AK1: variants seen among roughly 807,000 people sequenced by gnomAD.
AK1 encodes the protein adenylate kinase 1.
A neutral mutation model predicts 23.9 loss-of-function variants in AK1; 13 were observed. The observed-to-expected ratio is 0.54, with a 90% CI of 0.35 to 0.86. The LOEUF (loss-of-function observed/expected upper bound fraction) is 0.86. Ranked by LOEUF, AK1 falls within the 40% of genes least tolerant of loss-of-function variation. The pLI is 0.01. For synonymous variants in AK1, 97 were observed against 102.8 expected (o/e 0.94, Z 0.34); for missense variants, 214 against 255.1 (o/e 0.84, Z 1.10).
chr9:127,876,516 G>A (rs1008021052), intron 1 of AK1, among the ~76,000 whole-genome samples: 19 of 152,198 alleles, frequency 1.2e-4, no homozygotes, highest in African/African-American at 4.6e-4. Flanking sequence ...CCCCAGGCAG[G>A]AGTGGCAGCC....
chr9:127,876,952 T>C (rs1013908579), intron 1 of AK1, among the ~76,000 whole-genome samples: 3 of 152,226 alleles, frequency 2.0e-5, no homozygotes, highest in Non-Finnish European at 4.4e-5. Flanking sequence ...GTCTCCCAGC[T>C]TCTGACCCAA....
In AK1 at chr9:127,874,596, A is replaced by G; in HGVS notation, c.7+15T>C. On this transcript the variant is annotated intron_variant, in intron 2 of 6. Coordinates refer to ENST00000644144, the MANE Select transcript of AK1 (RefSeq NM_000476.3). The stretch of plus-strand genomic sequence containing the variant: ...TGAGGCCCAGGCAATGGGCAAAAGG[A>G]GAGGAGGCTCATACCTTCCATCCTG... 2 of 1,613,438 alleles carry G rather than the reference A, an allele frequency of 1.2e-6. No individual in the cohort carries two copies. The highest frequency in any genetic ancestry group is 1.7e-6 in the Non-Finnish European group (2 of 1,179,942).
rs869298613 is a variant in AK1 at position 127,867,007 on chromosome 9, C to CTTTTTTTTT, written c.*992_*1000dup. ...GACCATGACTCCCCCAATTCAATTT[C>CTTTTTTTTT]TTTTTTTTTTTTTTTTTTTTTGAGA... On this transcript the variant is annotated 3_prime_UTR_variant, in exon 7 of 7. Transcript: ENST00000644144. 4.3e-5 allele frequency: 5 copies of CTTTTTTTTT among 115,084 alleles called. No homozygotes were observed. Among genetic ancestry groups the CTTTTTTTTT allele is most frequent in the Non-Finnish European group, 7.0e-5 (4 of 57,542 alleles). 7.1% of individuals were successfully genotyped at this position (115,084 alleles called of 1,614,324 possible).
In AK1 at chr9:127,866,963, TC is replaced by T. The variant is rs1283751418; in HGVS notation, c.*1044del. On this transcript the variant is annotated 3_prime_UTR_variant, in exon 7 of 7. Coordinates refer to ENST00000644144, the MANE Select transcript of AK1 (RefSeq NM_000476.3). ...GTGTCCAGGGCCACACAGGGGGAGGTCCTTCAGGTCTCACCCCTGACCATGA... is the reference window on the plus strand; with the variant it reads ...GTGTCCAGGGCCACACAGGGGGAGGTCTTCAGGTCTCACCCCTGACCATGA... The T allele has an allele frequency of 1.3e-5, 2 of 150,450 alleles. No homozygotes were observed. The highest frequency in any genetic ancestry group is 3.0e-5 in the Non-Finnish European group (2 of 67,682). The allele number at this position is 150,450 out of a possible 1,614,324, so 9.3% of individuals were successfully genotyped here.
intron 1 of AK1, among the ~76,000 whole-genome samples, chr9:127,876,951 CTTCTGA>C (rs1427631606): frequency 1.3e-5 from 2 of 152,258 alleles, no homozygotes; most frequent in Non-Finnish European, 2.9e-5. Context: ...GGTCTCCCAG[CTTCTGA>C]CCCAACGTAG....
At chr9:127,874,089 G>T in intron 2 of AK1, 1 of 985,482 alleles carries the variant, frequency 1.0e-6, no homozygotes, top group Non-Finnish European at 1.2e-6. Flanking sequence ...TTTAAGAGCT[G>T]CCCAGGCCAA....
In AK1 at chr9:127,873,812, G is replaced by A. The variant is rs1490520828; in HGVS notation, c.8-751C>T. 1.4e-5 allele frequency: 14 copies of A among 985,436 alleles called. 1 individual carries two copies. The East Asian group carries it at 3.4e-4, about 24-fold the overall frequency. 61.0% of individuals were successfully genotyped at this position (985,436 alleles called of 1,614,324 possible). A position where few individuals can be genotyped will look rare whatever the true frequency, so the allele number is the denominator to read the frequency against. On this transcript the variant is annotated intron_variant, in intron 2 of 6. Transcript: ENST00000644144. Reference sequence around the variant, plus strand: ...GGCTCCCCCGCTTCCCAGGGAAATAGAGGACCAGGCTGTATCCCACCTTGC... The same window carrying A: ...GGCTCCCCCGCTTCCCAGGGAAATAAAGGACCAGGCTGTATCCCACCTTGC...
At position 127,874,603 on chromosome 9, in the gene AK1, G is replaced by A; in HGVS notation, c.7+8C>T. The A allele has an allele frequency of 1.2e-6, 2 of 1,613,480 alleles. No homozygotes were observed. Among genetic ancestry groups the A allele is most frequent in the East Asian group, 4.5e-5 (2 of 44,878 alleles). ...CAGGCAATGGGCAAAAGGAGAGGAG[G>A]CTCATACCTTCCATCCTGCCGAGGT... On this transcript the variant is annotated splice_region_variant and intron_variant, in intron 2 of 6. Transcript: ENST00000644144.
chr9:127,875,914 G>A (rs968372780), intron 1 of AK1, among the ~76,000 whole-genome samples: 1 of 152,206 alleles, frequency 6.6e-6, no homozygotes, highest in Non-Finnish European at 1.5e-5. Flanking sequence ...GGGCCTTGAA[G>A]CCTCCACACC....
chr9:127,872,019 G>A (rs1195478816), intron 4 of AK1, 80 bp from the exon 5 acceptor site: 10 of 1,245,362 alleles, frequency 8.0e-6, no homozygotes, highest in Admixed American at 1.7e-5. Context: ...CGCTGCTCCT[G>A]CCACCTGAAA....
intron 1 of AK1, chr9:127,874,893 G>A: frequency 1.9e-6 from 1 of 522,930 alleles, no homozygotes; most frequent in East Asian, 3.4e-5. Context: ...CAGAAGGGCA[G>A]TAGCCCCCTC....
intron 5 of AK1, among the ~76,000 whole-genome samples, chr9:127,870,824 ATGGGAATG>A (rs1829383407): frequency 6.9e-6 from 1 of 144,036 alleles, no homozygotes; most frequent in Non-Finnish European, 1.5e-5. Context: ...GGAATGGGGC[ATGGGAATG>A]GGGCATGGGG....
chr9:127,878,993 C>T (rs1455209866), upstream of AK1, among the ~76,000 whole-genome samples: 1 of 152,046 alleles, frequency 6.6e-6, no homozygotes, highest in Non-Finnish European at 1.5e-5. Flanking sequence ...GGGAGGATCA[C>T]TTGAGCTCAC....
Position 127,877,362 on chromosome 9 carries a change from T to G in AK1, c.-33+261A>C, listed in dbSNP as rs1180022503. Among the ~76,000 whole-genome samples the G allele has an allele frequency of 6.6e-6, 1 of 151,738 alleles. No homozygotes were observed. Among genetic ancestry groups the G allele is most frequent in the Non-Finnish European group, 1.5e-5 (1 of 67,916 alleles). On this transcript the variant is annotated intron_variant, in intron 1 of 6. Transcript: ENST00000644144. The surrounding 1 kb of genome is among the most constrained non-coding windows in gnomAD (Gnocchi z 5.2). Reference sequence around the variant, plus strand: ...GTGCCAGCCAGAACAAAGGGGTGACTATCTCGGAGGCTGGAAGGGGCTGCA... The same window carrying G: ...GTGCCAGCCAGAACAAAGGGGTGACGATCTCGGAGGCTGGAAGGGGCTGCA...
chr9:127,872,462 G>T (rs575233140), intron 4 of AK1, among the ~76,000 whole-genome samples: 31 of 152,072 alleles, frequency 2.0e-4, no homozygotes, highest in African/African-American at 7.2e-4. Context: ...CAGGGTGGCT[G>T]AAGGATGGAG....
rs1015849711 is a variant in AK1, at chr9:127,867,716, G to A, written c.*292C>T. 1.4e-5 allele frequency: 6 copies of A among 419,240 alleles called. No individual in the cohort carries two copies. The highest frequency in any genetic ancestry group is 1.0e-4 in the African/African-American group (5 of 49,162). 26.0% of individuals were successfully genotyped at this position (419,240 alleles called of 1,614,324 possible). ...GGCCTCCCACCAGAGCTAGAGGAGG[G>A]GTGGCTGGCAAAGGGAGGCTGAGGA... On this transcript the variant is annotated 3_prime_UTR_variant, in exon 7 of 7. Coordinates refer to ENST00000644144, the MANE Select transcript of AK1 (RefSeq NM_000476.3).
chr9:127,874,847 A>G, intron 1 of AK1, 198 bp from the exon 2 acceptor site: 1 of 593,360 alleles, frequency 1.7e-6, no homozygotes, highest in Admixed American at 2.7e-5. Flanking sequence ...TGGAAAAGTC[A>G]CCTTTCCTCT....
chr9:127,872,877 A>T, intron 3 of AK1, 24 bp from the exon 4 acceptor site: 1 of 1,613,872 alleles, frequency 6.2e-7, no homozygotes, highest in Non-Finnish European at 8.5e-7. Context: ...CCCATTCATA[A>T]ACCCCGAGAC....
At chr9:127,874,184 C>T in intron 2 of AK1, 3 of 985,374 alleles carry the variant, frequency 3.0e-6, no homozygotes, top group Non-Finnish European at 3.6e-6. Flanking sequence ...CCGTGTCTCC[C>T]TCTAAGTCCC....
Sources: gnomAD v4.1 joint callset for allele counts (sites outside exome capture counted in the v4.1 genomes callset) on GRCh38, gnomAD v4.1.1 for gene constraint, Gnocchi (gnomAD v3.1) non-coding constraint, MANE v1.5 for transcripts, NCBI Gene and HGNC (gene_info 2026-07-23, HGNC 2026-07-21) for gene names.